Variants in NT5DC1 observed in about 807,000 individuals in gnomAD.
NT5DC1 encodes 5'-nucleotidase domain containing 1.
A neutral mutation model predicts 59.4 loss-of-function variants in NT5DC1; 42 were observed. The observed-to-expected ratio is 0.71, with a 90% CI of 0.55 to 0.92. NT5DC1 has a LOEUF of 0.92. Ranked by LOEUF, NT5DC1 falls within the 40% of genes least tolerant of loss-of-function variation. The probability of loss-of-function intolerance (pLI) is 0.00; values close to 1 mark genes in which losing one functional copy is unlikely to be tolerated. For synonymous variants in NT5DC1, 172 were observed against 188.1 expected, an observed-to-expected ratio of 0.91 and a Z score of 0.70; for missense variants, 501 against 537.1, an observed-to-expected ratio of 0.93 and a Z score of 0.66.
intron 6 of NT5DC1, among the ~76,000 whole-genome samples, chr6:116,200,598 A>C (rs1008702659): frequency 6.6e-6 from 1 of 152,032 alleles, no homozygotes; most frequent in Admixed American, 6.6e-5. Context: ...ACACTATTAT[A>C]AGTAATGGTT....
At position 116,101,153 on chromosome 6, in the gene NT5DC1, C is replaced by T. The variant is rs1778640559; in HGVS notation, c.93+130C>T. Reference sequence around the variant, plus strand: ...GGCGGCCGAGTCTTGCCGCAGAGCGCGGCCTCCAGCGGCGAGAAGGGGCGG... The same window carrying T: ...GGCGGCCGAGTCTTGCCGCAGAGCGTGGCCTCCAGCGGCGAGAAGGGGCGG... On this transcript the variant is annotated intron_variant, in intron 1 of 11. Coordinates refer to ENST00000319550, the MANE Select transcript of NT5DC1 (RefSeq NM_152729.3). 5 of 632,712 alleles carry T rather than the reference C, an allele frequency of 7.9e-6. No individual in the cohort carries two copies. The South Asian group carries it at 8.2e-5, about 10-fold the overall frequency. The allele number at this position is 632,712 out of a possible 1,614,324, so 39.2% of individuals were successfully genotyped here. A position where few individuals can be genotyped will look rare whatever the true frequency, so the allele number is the denominator to read the frequency against.
At chr6:116,225,957 T>C (rs1781898685) in intron 8 of NT5DC1, among the ~76,000 whole-genome samples, 1 of 152,136 alleles carries the variant, frequency 6.6e-6, no homozygotes, top group Non-Finnish European at 1.5e-5. Context: ...CTGGGTGTGC[T>C]GCTAAGCAGC....
chr6:116,106,492 T>A (rs1778771488), intron 2 of NT5DC1, among the ~76,000 whole-genome samples, 157 bp downstream of exon 2: 1 of 152,200 alleles, frequency 6.6e-6, no homozygotes, highest in Admixed American at 6.5e-5. Flanking sequence ...AAGTTTTGTA[T>A]TTAATGAATT....
At chr6:116,125,834 A>C (rs1243974100) in intron 6 of NT5DC1, 1 of 211,716 alleles carries the variant, frequency 4.7e-6, no homozygotes, top group African/African-American at 2.4e-5. Context: ...TTCAAAATAC[A>C]CTGAAATTCG....
chr6:116,103,449 C>G (rs186341627), intron 1 of NT5DC1, among the ~76,000 whole-genome samples: 54 of 152,148 alleles, frequency 3.5e-4, no homozygotes, highest in South Asian at 1.2e-3. Flanking sequence ...CTTCTTCCCA[C>G]CTTGCTGTCT....
intron 6 of NT5DC1, among the ~76,000 whole-genome samples, chr6:116,216,367 C>G (rs1458463569): frequency 6.8e-6 from 1 of 147,918 alleles, no homozygotes; most frequent in Non-Finnish European, 1.5e-5. Context: ...ATCCTGGTAG[C>G]ACATTAGGAC....
At chr6:116,184,607 A>G (rs1430337122) in intron 6 of NT5DC1, among the ~76,000 whole-genome samples, 2 of 151,956 alleles carry the variant, frequency 1.3e-5, no homozygotes, top group Non-Finnish European at 2.9e-5. Flanking sequence ...TCCTGGTTTA[A>G]ACTAGGAGGG....
intron 6 of NT5DC1, among the ~76,000 whole-genome samples, chr6:116,127,305 G>A (rs145357091): frequency 2.0e-5 from 3 of 152,076 alleles, no homozygotes; most frequent in Non-Finnish European, 4.4e-5. Flanking sequence ...ACAAAGCCTT[G>A]TATAGCCCTT....
At chr6:116,240,947 C>T (rs966287234) in intron 11 of NT5DC1, among the ~76,000 whole-genome samples, 1 of 151,884 alleles carries the variant, frequency 6.6e-6, no homozygotes, top group Non-Finnish European at 1.5e-5. Context: ...AGTTTGAGAC[C>T]AGTCTGGCCA....
intron 6 of NT5DC1, among the ~76,000 whole-genome samples, chr6:116,136,904 C>T (rs543034968): frequency 4.6e-5 from 7 of 152,238 alleles, no homozygotes; most frequent in African/African-American, 1.7e-4. Flanking sequence ...AAGAATCCAG[C>T]CTGTGTTTGT....
chr6:116,239,633 G>GTTT (rs1325716687), intron 11 of NT5DC1, among the ~76,000 whole-genome samples: 1 of 152,166 alleles, frequency 6.6e-6, no homozygotes, highest in East Asian at 1.9e-4. Context: ...TTTTCACAGG[G>GTTT]ACTAAAACTC....
At chr6:116,200,002 G>GGA (rs1554199755) in intron 6 of NT5DC1, among the ~76,000 whole-genome samples, 7 of 101,204 alleles carry the variant, frequency 6.9e-5, no homozygotes, top group Non-Finnish European at 1.5e-4. Flanking sequence ...TGGAAAGTGG[G>GGA]GGGGGAAGAG....
At chr6:116,169,013 G>A (rs1403535364) in intron 6 of NT5DC1, among the ~76,000 whole-genome samples, 1 of 152,126 alleles carries the variant, frequency 6.6e-6, no homozygotes, top group African/African-American at 2.4e-5. Context: ...GAGTTTATTA[G>A]CCTCTACCTA....
chr6:116,176,179 C>T (rs1032874405), intron 6 of NT5DC1, among the ~76,000 whole-genome samples: 2 of 152,156 alleles, frequency 1.3e-5, no homozygotes, highest in Non-Finnish European at 2.9e-5. Context: ...TCTTCTAGTG[C>T]TAGAGTGTTG....
chr6:116,119,772 TTTGTTTTTTG>T (rs1779051729), intron 6 of NT5DC1: 1 of 250,602 alleles, frequency 4.0e-6, no homozygotes, highest in South Asian at 1.3e-4. Flanking sequence ...TTTTTTGTTG[TTTGTTTTTTG>T]TTGTTTGTTT....
chr6:116,150,561 A>T (rs1285666383), intron 6 of NT5DC1, among the ~76,000 whole-genome samples: 1 of 152,228 alleles, frequency 6.6e-6, no homozygotes, highest in African/African-American at 2.4e-5. Context: ...CTGGGATTAC[A>T]GGCGTGAGTC....
chr6:116,151,951 A>G (rs1272306012), intron 6 of NT5DC1, among the ~76,000 whole-genome samples: 1 of 152,194 alleles, frequency 6.6e-6, no homozygotes, highest in Non-Finnish European at 1.5e-5. Context: ...TTTGGGGAGT[A>G]TTGATGCCAA....
chr6:116,102,918 C>A (rs1201165866), intron 1 of NT5DC1, among the ~76,000 whole-genome samples: 1 of 152,238 alleles, frequency 6.6e-6, no homozygotes, highest in African/African-American at 2.4e-5. Flanking sequence ...CCTCTTTGCT[C>A]TGCACAGAAG....
At chr6:116,136,235 A>G (rs1779597888) in intron 6 of NT5DC1, among the ~76,000 whole-genome samples, 1 of 152,070 alleles carries the variant, frequency 6.6e-6, no homozygotes, top group Admixed American at 6.6e-5. Flanking sequence ...ATTGTGTTCT[A>G]GGTTCATCCA....
Sources: gnomAD v4.1 joint callset for allele counts (sites outside exome capture counted in the v4.1 genomes callset) on GRCh38, gnomAD v4.1.1 for gene constraint, MANE v1.5 for transcripts, NCBI Gene and HGNC (gene_info 2026-07-23, HGNC 2026-07-21) for gene names.